The following NUCB1 variants were observed in gnomAD, a reference collection of about 807,000 sequenced individuals.
The protein encoded by NUCB1 is nucleobindin-1.
Under a neutral mutation model 61.2 loss-of-function variants are expected in NUCB1, and 47 were observed. The observed-to-expected ratio is 0.77, with a 90% CI of 0.61 to 0.98. The LOEUF is 0.98. NUCB1 is among the 50% of genes least tolerant of loss of function. The pLI is 0.00. For synonymous variants in NUCB1, 234 were observed against 243.1 expected (o/e 0.96, Z 0.35); for missense variants, 583 against 605.3 (o/e 0.96, Z 0.39).
At chr19:48,909,925 G>A (rs1316724762) in intron 4 of NUCB1, among the ~76,000 whole-genome samples, 2 of 152,018 alleles carry the variant, frequency 1.3e-5, no homozygotes, top group Admixed American at 1.3e-4. Flanking sequence ...GATTCCCTCT[G>A]TAAAGACCTA....
chr19:48,909,269 C>T (rs1331418104), intron 4 of NUCB1, among the ~76,000 whole-genome samples: 2 of 149,246 alleles, frequency 1.3e-5, no homozygotes, highest in Non-Finnish European at 3.0e-5. Context: ...TTTTCCAAGA[C>T]AGAGTTTTGC....
At chr19:48,917,896 T>G (rs2037559664) in intron 7 of NUCB1, among the ~76,000 whole-genome samples, 2 of 151,894 alleles carry the variant, frequency 1.3e-5, no homozygotes, top group South Asian at 2.1e-4. Context: ...TGCCTTAGCC[T>G]TCCAAAGTAC....
intron 3 of NUCB1, among the ~76,000 whole-genome samples, chr19:48,904,996 C>T (rs187323388): frequency 1.6e-4 from 24 of 152,332 alleles, no homozygotes; most frequent in African/African-American, 3.8e-4. Context: ...GTCGCAGCTC[C>T]GCCGCTTACC....
rs1568584887 is a variant in NUCB1, at chr19:48,908,724, GT to G, written c.377-2424del. Among the ~76,000 whole-genome samples the G allele has an allele frequency of 2.6e-3, 245 of 92,856 alleles. 3 individuals are homozygous for G. The highest frequency in any genetic ancestry group is 7.1e-3 in the African/African-American group (188 of 26,648). 60.9% of individuals were successfully genotyped at this position (92,856 alleles called of 152,430 possible). Reference sequence around the variant, plus strand: ...CTTTCTGCCCACTTGACCAAGGGGTGTGTGTGTGTGTGTGTGTGTGTGTGTG... The same window carrying G: ...CTTTCTGCCCACTTGACCAAGGGGTGGTGTGTGTGTGTGTGTGTGTGTGTG... On this transcript the variant is annotated intron_variant, in intron 4 of 12. Coordinates refer to ENST00000405315, the MANE Select transcript of NUCB1 (RefSeq NM_006184.6).
At chr19:48,908,485 C>T (rs1600056047) in intron 4 of NUCB1, among the ~76,000 whole-genome samples, 1 of 152,138 alleles carries the variant, frequency 6.6e-6, no homozygotes. Flanking sequence ...TAGCGGCCGG[C>T]GCTGGGTCAG....
Position 48,913,215 on chromosome 19 carries a change from C to CCCAT in NUCB1, c.666+23_666+26dup. 6.3e-7 allele frequency: 1 copy of CCCAT among 1,592,744 alleles called. No homozygotes were observed. ...CGTGCCTGTGAGGACCCCATTTGTG[C>CCCAT]CCATCCACTCCCTACCACATCCAGT... On this transcript the variant is annotated intron_variant, in intron 6 of 12. Transcript: ENST00000405315.
intron 7 of NUCB1, among the ~76,000 whole-genome samples, chr19:48,914,430 G>A (rs2037516566): frequency 6.6e-6 from 1 of 151,988 alleles, no homozygotes; most frequent in African/African-American, 2.4e-5. Flanking sequence ...AGCAAGGCCT[G>A]ACTCATTCAT....
At chr19:48,910,083 T>G (rs2037455335) in intron 4 of NUCB1, among the ~76,000 whole-genome samples, 1 of 151,936 alleles carries the variant, frequency 6.6e-6, no homozygotes, top group Non-Finnish European at 1.5e-5. Context: ...GTATTTATTT[T>G]ATTTATTTAT....
rs568172774 is a variant in NUCB1, at chr19:48,912,931, C to T, written c.481-80C>T. The T allele has an allele frequency of 9.4e-6, 11 of 1,167,270 alleles. No homozygotes were observed. The East Asian group carries it at 2.5e-4, about 26-fold the overall frequency. The allele number at this position is 1,167,270 out of a possible 1,614,324, so 72.3% of individuals were successfully genotyped here. On this transcript the variant is annotated intron_variant, in intron 5 of 12. Transcript: ENST00000405315. ...GGGCTGCCCTCAGCCAGGTTCAGGGCCAAGGGCCTGCCATTTACAGGCTGG... is the reference window on the plus strand; with the variant it reads ...GGGCTGCCCTCAGCCAGGTTCAGGGTCAAGGGCCTGCCATTTACAGGCTGG...
chr19:48,913,511 T>A lies in NUCB1; in HGVS notation c.704T>A (p.Leu235Gln), dbSNP rs772033195. 3 of 1,614,152 alleles carry A rather than the reference T, an allele frequency of 1.9e-6. No homozygotes were observed. The highest frequency in any genetic ancestry group is 2.5e-6 in the Non-Finnish European group (3 of 1,180,014). The change falls in exon 7 of 13, where the codon CTG becomes CAG. Residue 235 changes from leucine (L) to glutamine (Q), a missense_variant. Coordinates refer to ENST00000405315, the MANE Select transcript of NUCB1 (RefSeq NM_006184.6). ...CAGTTGAAGGAGGTGTGGGAGGAGC[T>A]GGATGGACTGGACCCCAACAGGTTT... is the stretch of plus-strand genomic sequence containing the variant. ...QAQLKEVWEE[L>Q]DGLDPNRFNP...
intron 8 of NUCB1, 111 bp downstream of exon 8, chr19:48,918,895 C>G: frequency 7.6e-7 from 1 of 1,311,982 alleles, no homozygotes; most frequent in Non-Finnish European, 1.1e-6. Flanking sequence ...AAAACTACAA[C>G]TCCCATCAGC....
chr19:48,908,697 G>GTGTC (rs1332437792), intron 4 of NUCB1, among the ~76,000 whole-genome samples: 9 of 136,092 alleles, frequency 6.6e-5, no homozygotes, highest in Admixed American at 1.5e-4. Flanking sequence ...GTGTGTGTGT[G>GTGTC]TCTTTCTGCC....
intron 7 of NUCB1, among the ~76,000 whole-genome samples, chr19:48,916,942 C>T (rs768978366): frequency 1.3e-5 from 2 of 151,730 alleles, no homozygotes; most frequent in South Asian, 2.1e-4. Context: ...TAAATAGGCC[C>T]GGCGCAGTGG....
intron 3 of NUCB1, among the ~76,000 whole-genome samples, chr19:48,904,988 C>T (rs115073769): frequency 0.019 from 2,940 of 152,310 alleles, 95 homozygotes; most frequent in African/African-American, 0.068. Context: ...GGCTTTCAGT[C>T]GCAGCTCCGC....
At chr19:48,918,666 G>T in intron 7 of NUCB1, 60 bp from the exon 8 acceptor site, 1 of 1,434,900 alleles carries the variant, frequency 7.0e-7, no homozygotes, top group South Asian at 1.1e-5. Context: ...TTCTTCACCA[G>T]GGACCTTACA....
chr19:48,909,471 T>A (rs1320015522), intron 4 of NUCB1, among the ~76,000 whole-genome samples: 1 of 152,068 alleles, frequency 6.6e-6, no homozygotes, highest in African/African-American at 2.4e-5. Flanking sequence ...GGTTTCGAAT[T>A]CCTGACCTCA....
intron 4 of NUCB1, among the ~76,000 whole-genome samples, chr19:48,910,566 C>A (rs2037460999): frequency 6.6e-6 from 1 of 151,760 alleles, no homozygotes; most frequent in Non-Finnish European, 1.5e-5. Context: ...GTGGCATGCA[C>A]CTGTAGTCCC....
chr19:48,920,328 T>C (rs2037594888), intron 10 of NUCB1, among the ~76,000 whole-genome samples: 1 of 151,722 alleles, frequency 6.6e-6, no homozygotes, highest in Non-Finnish European at 1.5e-5. Flanking sequence ...CATTCTTTTA[T>C]TTATTTATTA....
intron 2 of NUCB1, chr19:48,901,173 C>A: frequency 3.3e-6 from 2 of 608,220 alleles, no homozygotes; most frequent in Non-Finnish European, 6.0e-6. Context: ...TTTTAAGATT[C>A]TCTCCACCCA....
Sources: allele counts gnomAD v4.1 joint callset (sites outside exome capture counted in the v4.1 genomes callset), GRCh38; gene constraint gnomAD v4.1.1; transcripts MANE v1.5; gene names NCBI Gene and HGNC (gene_info 2026-07-23, HGNC 2026-07-21).